The following GZMB variants were observed in gnomAD, a reference collection of about 807,000 sequenced individuals.
GZMB encodes the protein T-cell serine protease 1-3E.
GZMB carries 27 observed loss-of-function variants against 24.2 expected under a neutral mutation model. That is an observed-to-expected ratio of 1.12 (90% CI 0.82 to 1.54). The LOEUF (loss-of-function observed/expected upper bound fraction) is 1.54. Among genes scored for constraint, GZMB ranks in the 40% most tolerant of loss-of-function variants. GZMB has a pLI of 0.00. For missense variants in GZMB, 336 were observed against 310.1 expected (o/e 1.08, Z -0.63); for synonymous variants, 121 against 115.1 (o/e 1.05, Z -0.33).
At position 24,631,897 on chromosome 14, in the gene GZMB, C is replaced by T. The variant is rs1179444528; in HGVS notation, c.561G>A (p.Leu187=). ...TTTTAATCTCTGGGTCCCCCACGCA[C>T]AACTCAATGGTACTGTCGTAATAAT... ...LRHYYDSTIE[L]CVGDPEIKKT... Residue 187 remains leucine (L), a synonymous_variant, in exon 4 of 5, where the codon TTG becomes TTA. Transcript: ENST00000216341. 3 of 1,614,032 alleles carry T rather than the reference C, an allele frequency of 1.9e-6. No individual in the cohort carries two copies. Among genetic ancestry groups the T allele is most frequent in the South Asian group, 2.2e-5 (2 of 91,080 alleles).
Position 24,631,959 on chromosome 14 carries a change from C to T in GZMB, c.499G>A (p.Val167Met), listed in dbSNP as rs747068918. 2.5e-6 allele frequency: 4 copies of T among 1,614,240 alleles called. No individual in the cohort carries two copies. The highest frequency in any genetic ancestry group is 2.5e-6 in the Non-Finnish European group (3 of 1,180,016). ...SHTLQEVKMT[V>M]QEDRKCESDL... Reference sequence around the variant, plus strand: ...GATTCGCACTTTCGATCTTCCTGCACTGTCATCTTCACCTCTTGTAGTGTG... The same window carrying T: ...GATTCGCACTTTCGATCTTCCTGCATTGTCATCTTCACCTCTTGTAGTGTG... The change falls in exon 4 of 5, where the codon GTG (valine) becomes ATG (methionine). Residue 167 changes from valine (V) to methionine (M), a missense_variant. Val to Met is a conservative substitution (Grantham distance 21). Transcript: ENST00000216341.
chr14:24,633,054 T>C lies in GZMB; in HGVS notation c.64A>G (p.Ile22Val), dbSNP rs1162376905. ...LLPRADAGEI[I>V]GGHEAKPHSR... ...TGGGGCTTGGCCTCATGTCCCCCGA[T>C]GATCTCCCCTGAAGGAAAAGTCTGT... Residue 22 changes from isoleucine to valine, a missense_variant, in exon 2 of 5, where the codon ATC becomes GTC. Physicochemically the swap from Ile to Val is conservative, Grantham distance 29 (BLOSUM62 3). Transcript: ENST00000216341. 2 of 1,607,398 alleles carry C rather than the reference T, an allele frequency of 1.2e-6. No individual in the cohort carries two copies. The highest frequency in any genetic ancestry group is 1.7e-5 in the Admixed American group (1 of 59,304).
In GZMB at chr14:24,633,015, T is replaced by C. The variant is rs2067012161; in HGVS notation, c.103A>G (p.Met35Val). The change falls in exon 2 of 5, where the codon ATG becomes GTG. Residue 35 changes from methionine (M) to valine (V), a missense_variant. Coordinates refer to ENST00000216341, the MANE Select transcript of GZMB (RefSeq NM_004131.6). ...HEAKPHSRPY[M>V]AYLMIWDQKS... ...TGATCCCAGATCATAAGATAAGCCA[T>C]GTAGGGGCGGGAGTGGGGCTTGGCC... The C allele has an allele frequency of 1.9e-6, 3 of 1,613,746 alleles. No homozygotes were observed. Among genetic ancestry groups the C allele is most frequent in the Non-Finnish European group, 1.7e-6 (2 of 1,179,820 alleles).
chr14:24,631,445 C>G (rs370626647), intron 4 of GZMB: 34 of 568,970 alleles, frequency 6.0e-5, no homozygotes, highest in Non-Finnish European at 7.5e-5. Flanking sequence ...ATCCTGAGAT[C>G]GGAGGTATGT....
At chr14:24,631,780 T>C in intron 4 of GZMB, 78 bp downstream of exon 4, 2 of 1,173,468 alleles carry the variant, frequency 1.7e-6, no homozygotes, top group Non-Finnish European at 2.5e-6. Context: ...AGTCCCCCAC[T>C]ACTTGAGTCT....
chr14:24,631,966 C>G lies in GZMB; in HGVS notation c.492G>C (p.Lys164Asn). ...ACTTTCGATCTTCCTGCACTGTCAT[C>G]TTCACCTCTTGTAGTGTGTGTGAGT... ...GKHSHTLQEV[K>N]MTVQEDRKCE... The change falls in exon 4 of 5, where the codon AAG becomes AAC. Residue 164 changes from lysine (K) to asparagine (N), a missense_variant. Transcript: ENST00000216341. The G allele has an allele frequency of 1.2e-6, 2 of 1,614,246 alleles. No homozygotes were observed.
chr14:24,634,149 G>C lies in GZMB; in HGVS notation c.12C>G (p.Ile4Met). The C allele has an allele frequency of 6.3e-7, 1 of 1,592,986 alleles. No homozygotes were observed. MQP[I>M]LLLLAFLLLP... is the part of the protein sequence containing the mutation. ...GCAGGAGGAAGGCCAGCAGAAGCAG[G>C]ATTGGTTGCATCTTCTCAGGAAGGC... The change falls in exon 1 of 5, where the codon ATC becomes ATG. Residue 4 changes from isoleucine to methionine, a missense_variant. Physicochemically the swap from Ile to Met is conservative, Grantham distance 10. Transcript: ENST00000216341.
At chr14:24,632,254 G>C in intron 3 of GZMB, 70 bp downstream of exon 3, 1 of 1,538,028 alleles carries the variant, frequency 6.5e-7, no homozygotes. Context: ...AAGGAGGGAA[G>C]GGCCGGCATT....
chr14:24,632,275 T>G, intron 3 of GZMB, 49 bp downstream of exon 3: 1 of 1,568,694 alleles, frequency 6.4e-7, no homozygotes, highest in Non-Finnish European at 8.7e-7. Context: ...CCAGGGGGAG[T>G]GGAACCAACT....
At chr14:24,633,761 C>T (rs538695050) in intron 1 of GZMB, 122 of 369,130 alleles carry the variant, frequency 3.3e-4, no homozygotes, top group Non-Finnish European at 5.7e-4. Flanking sequence ...GAGAGAAGCA[C>T]CTGTCTTATC....
Position 24,633,978 on chromosome 14 carries a change from G to A in GZMB, c.55+128C>T, listed in dbSNP as rs113809286. The A allele has an allele frequency of 4.9e-4, 407 of 835,418 alleles. 1 individual carries two copies. Among genetic ancestry groups the A allele is most frequent in the Non-Finnish European group, 7.6e-4 (376 of 497,892 alleles). The allele number at this position is 835,418 out of a possible 1,614,324, so 51.8% of individuals were successfully genotyped here. ...ATAGCTTATCCAGCATCACACTTGGGGGGTCTTGGTAGAATGGGAGCTGGA... is the reference window on the plus strand; with the variant it reads ...ATAGCTTATCCAGCATCACACTTGGAGGGTCTTGGTAGAATGGGAGCTGGA... On this transcript the variant is annotated intron_variant, in intron 1 of 4. Transcript: ENST00000216341.
chr14:24,633,973 C>T (rs1250634074), intron 1 of GZMB, 133 bp downstream of exon 1: 5 of 817,476 alleles, frequency 6.1e-6, no homozygotes, highest in Non-Finnish European at 1.0e-5. Context: ...CAGCATCACA[C>T]TTGGGGGGTC....
intron 4 of GZMB, 82 bp downstream of exon 4, chr14:24,631,776 C>T: frequency 1.8e-6 from 2 of 1,115,478 alleles, no homozygotes; most frequent in Non-Finnish European, 1.4e-6. Flanking sequence ...AAGGAGTCCC[C>T]CACTACTTGA....
rs1690671375 is a variant in GZMB at position 24,632,904 on chromosome 14, C to T, written c.203+11G>A. 1.9e-6 allele frequency: 3 copies of T among 1,607,850 alleles called. No homozygotes were observed. The highest frequency in any genetic ancestry group is 3.4e-5 in the Admixed American group (2 of 59,670). On this transcript the variant is annotated intron_variant, in intron 2 of 4. Coordinates refer to ENST00000216341, the MANE Select transcript of GZMB (RefSeq NM_004131.6). ...TTTCCAGGAGGGTGTGGGCTGTTTT[C>T]TGCTCCTCACCTTCCCCAACAGTGA...
At chr14:24,631,346 G>T in intron 4 of GZMB, 132 bp from the exon 5 acceptor site, 4 of 713,136 alleles carry the variant, frequency 5.6e-6, no homozygotes, top group Non-Finnish European at 9.1e-6. Context: ...AGGGCAGGCC[G>T]CTGGTGGCCC....
intron 2 of GZMB, 57 bp downstream of exon 2, chr14:24,632,858 G>A: frequency 6.5e-7 from 1 of 1,547,092 alleles, no homozygotes; most frequent in South Asian, 1.1e-5. Flanking sequence ...TTGGGAAGAA[G>A]GCAGGGGTCT....
At position 24,633,000 on chromosome 14, in the gene GZMB, T is replaced by C; in HGVS notation, c.118A>G (p.Ile40Val). Reference protein sequence around the residue: ...HSRPYMAYLMIWDQKSLKRCG... With the variant: ...HSRPYMAYLMVWDQKSLKRCG... ...CTCTTCAGAGACTTCTGATCCCAGATCATAAGATAAGCCATGTAGGGGCGG... is the reference window on the plus strand; with the variant it reads ...CTCTTCAGAGACTTCTGATCCCAGACCATAAGATAAGCCATGTAGGGGCGG... The change falls in exon 2 of 5, where the codon ATC becomes GTC. Residue 40 changes from isoleucine to valine, a missense_variant. Transcript: ENST00000216341. 6.2e-7 allele frequency: 1 copy of C among 1,613,892 alleles called. No homozygotes were observed. Among genetic ancestry groups the C allele is most frequent in the Non-Finnish European group, 8.5e-7 (1 of 1,179,928 alleles).
Position 24,633,068 on chromosome 14 carries a change from G to T in GZMB, c.56-6C>A, listed in dbSNP as rs372092724. On this transcript the variant is annotated splice_region_variant and splice_polypyrimidine_tract_variant and intron_variant, in intron 1 of 4. Transcript: ENST00000216341. ...ATGTCCCCCGATGATCTCCCCTGAA[G>T]GAAAAGTCTGTCTGCTTGTGGGCAC... is the stretch of plus-strand genomic sequence containing the variant. 2 of 1,594,896 alleles carry T rather than the reference G, an allele frequency of 1.3e-6. No homozygotes were observed. The highest frequency in any genetic ancestry group is 2.7e-5 in the African/African-American group (2 of 74,364).
rs573911180 is a variant in GZMB, at chr14:24,632,629, G to A, written c.204-170C>T. 1.8e-5 allele frequency: 20 copies of A among 1,099,020 alleles called. 1 individual carries two copies. The highest frequency in any genetic ancestry group is 1.1e-4 in the African/African-American group (7 of 64,422). 68.1% of individuals were successfully genotyped at this position (1,099,020 alleles called of 1,614,324 possible). A position where few individuals can be genotyped will look rare whatever the true frequency, so the allele number is the denominator to read the frequency against. On this transcript the variant is annotated intron_variant, in intron 2 of 4. Transcript: ENST00000216341. ...AATTGCACCAGGTTTCTCAGGGTTC[G>A]GTTCCCCCTAGAAACACAGGTGGAA... is the stretch of plus-strand genomic sequence containing the variant.
Sources: allele counts gnomAD v4.1 joint callset, GRCh38; gene constraint gnomAD v4.1.1; transcripts MANE v1.5; gene names NCBI Gene and HGNC (gene_info 2026-07-23, HGNC 2026-07-21).